Variants in POLK observed in about 807,000 individuals in gnomAD.
POLK encodes the protein polymerase (DNA directed) kappa.
In POLK, 76 loss-of-function variants were observed where a neutral mutation model predicts 94.0. That is an observed-to-expected ratio of 0.81 (90% CI 0.67 to 0.98). The LOEUF is 0.98. POLK is among the 50% of genes least tolerant of loss of function. POLK has a pLI of 0.00. For synonymous variants in POLK, 349 were observed against 325.4 expected (o/e 1.07, Z -0.78); for missense variants, 954 against 1,010.1 (o/e 0.94, Z 0.75).
chr5:75,604,347 C>T (rs1359551168), downstream of POLK, among the ~76,000 whole-genome samples: 3 of 152,020 alleles, frequency 2.0e-5, no homozygotes, highest in Non-Finnish European at 4.4e-5. Flanking sequence ...GGAAATATTT[C>T]ATTTAAAAAA....
intron 3 of POLK, among the ~76,000 whole-genome samples, chr5:75,556,652 C>T (rs953856365): frequency 7.3e-5 from 11 of 151,442 alleles, no homozygotes; most frequent in African/African-American, 2.2e-4. Context: ...TTGCATTTTA[C>T]AGTTAGGTCT....
chr5:75,543,866 C>G (rs920269060), intron 1 of POLK, among the ~76,000 whole-genome samples: 1 of 152,170 alleles, frequency 6.6e-6, no homozygotes, highest in Non-Finnish European at 1.5e-5. Flanking sequence ...CAGGTTCTTG[C>G]TCTCTTGCCC....
chr5:75,584,886 C>A (rs746435774), exon 9 of POLK: 3 of 1,606,716 alleles, frequency 1.9e-6, no homozygotes, highest in Non-Finnish European at 2.6e-6. Flanking sequence ...GCATTATTTC[C>A]TTCATATCTC....
In POLK at chr5:75,559,517, TGTTTTG is replaced by T. The variant is rs1561371308; in HGVS notation, c.255+6927_255+6932del. Among the ~76,000 whole-genome samples, 41 of 141,262 alleles carry T rather than the reference TGTTTTG, an allele frequency of 2.9e-4. 2 individuals carry two copies. Among genetic ancestry groups the T allele is most frequent in the African/African-American group, 5.4e-4 (20 of 37,304 alleles). 92.7% of individuals were successfully genotyped at this position (141,262 alleles called of 152,430 possible). A position where few individuals can be genotyped will look rare whatever the true frequency, so the allele number is the denominator to read the frequency against. ...TGATTTGGGGTTTGTTTTTTTGTTT[TGTTTTG>T]TTTTTTTTTTTTTTTTTTTTTTTTT... is the stretch of plus-strand genomic sequence containing the variant. On this transcript the variant is annotated intron_variant, in intron 3 of 14. Transcript: ENST00000241436.
chr5:75,538,654 CA>C (rs1460322685), intron 1 of POLK: 30 of 152,146 alleles, frequency 2.0e-4, no homozygotes, highest in African/African-American at 6.5e-4. Flanking sequence ...AAAACTGTAA[CA>C]TTCATCTCAT....
At chr5:75,588,688 A>G (rs1369215198) in intron 10 of POLK, among the ~76,000 whole-genome samples, 1 of 152,230 alleles carries the variant, frequency 6.6e-6, no homozygotes, top group East Asian at 1.9e-4. Flanking sequence ...CAGCGGTTCT[A>G]AAGTTAATGT....
At position 75,519,223 on chromosome 5, in the gene POLK, A is replaced by T. The variant is rs150838421; in HGVS notation, c.-14+7309A>T. Among the ~76,000 whole-genome samples the T allele has an allele frequency of 3.3e-5, 5 of 152,290 alleles. No homozygotes were observed. In the East Asian group the frequency reaches 9.6e-4, roughly 29 times the overall value. On this transcript the variant is annotated intron_variant, in intron 1 of 14. Coordinates refer to ENST00000241436, the Ensembl canonical transcript of POLK. ...CAGGTTCCTCTTGTTAATGATTTCAAGTTTTATTCCATTGTGGTTACAAAA... is the reference window on the plus strand; with the variant it reads ...CAGGTTCCTCTTGTTAATGATTTCATGTTTTATTCCATTGTGGTTACAAAA...
chr5:75,583,698 C>T (rs1279604251), intron 8 of POLK, among the ~76,000 whole-genome samples: 3 of 152,056 alleles, frequency 2.0e-5, no homozygotes, highest in Non-Finnish European at 4.4e-5. Context: ...TTCTAACAGT[C>T]CTTTCATCTG....
chr5:75,596,678 C>G lies in POLK; in HGVS notation c.1985C>G (p.Ser662Ter). ...GAAAACTTTAAAATGTTCTCGTGTTCACATGTTTCTGCTACCAAAGTTAAC... is the reference window on the plus strand; with the variant it reads ...GAAAACTTTAAAATGTTCTCGTGTTGACATGTTTCTGCTACCAAAGTTAAC... Residue 662 changes from serine to a stop codon, truncating the protein, a stop_gained, in exon 13 of 15, where the codon TCA becomes TGA. Transcript: ENST00000241436. LOFTEE classifies it high-confidence loss of function. The G allele has an allele frequency of 6.2e-7, 1 of 1,613,852 alleles. No individual in the cohort carries two copies. Among genetic ancestry groups the G allele is most frequent in the East Asian group, 2.2e-5 (1 of 44,870 alleles).
the POLK span, chr5:75,608,736 C>G: frequency 2.0e-5 from 3 of 152,062 alleles, no homozygotes; most frequent in East Asian, 3.9e-4. Flanking sequence ...TTTAAAAATT[C>G]GGAAGTGGAG....
At chr5:75,551,140 GA>G (rs1561362429) in intron 2 of POLK, among the ~76,000 whole-genome samples, 2 of 152,130 alleles carry the variant, frequency 1.3e-5, no homozygotes, top group African/African-American at 4.8e-5. Context: ...ACTTTTAGAA[GA>G]AAATTTGAGA....
chr5:75,580,449 A>G (rs1038476305), intron 6 of POLK: 1 of 158,264 alleles, frequency 6.3e-6, no homozygotes, highest in African/African-American at 2.4e-5. Flanking sequence ...AAATATAAAT[A>G]TAAAGAGGCA....
intron 6 of POLK, among the ~76,000 whole-genome samples, chr5:75,579,724 C>T (rs570371206): frequency 4.6e-5 from 7 of 152,036 alleles, no homozygotes; most frequent in African/African-American, 7.2e-5. Context: ...AACTGAAGCA[C>T]ATAAATATCA....
chr5:75,565,171 C>T (rs1400564018), intron 3 of POLK, among the ~76,000 whole-genome samples: 1 of 152,096 alleles, frequency 6.6e-6, no homozygotes, highest in Non-Finnish European at 1.5e-5. Context: ...TTGATCAATT[C>T]AGCTATTGAT....
chr5:75,538,464 C>T (rs951929278), intron 1 of POLK: 4 of 152,042 alleles, frequency 2.6e-5, no homozygotes, highest in Non-Finnish European at 5.9e-5. Context: ...TTAACTCATG[C>T]TTTCTTTCAT....
intron 3 of POLK, among the ~76,000 whole-genome samples, chr5:75,556,252 C>G (rs973873148): frequency 2.0e-5 from 3 of 152,144 alleles, no homozygotes; most frequent in African/African-American, 7.2e-5. Context: ...ATTTGCATTT[C>G]CCTGATGACA....
chr5:75,544,513 G>A (rs1769911459), intron 1 of POLK, among the ~76,000 whole-genome samples: 1 of 152,092 alleles, frequency 6.6e-6, no homozygotes, highest in African/African-American at 2.4e-5. Context: ...ATGGTGGTGT[G>A]CACCTGTAGT....
At chr5:75,543,962 T>C (rs1769880841) in intron 1 of POLK, among the ~76,000 whole-genome samples, 1 of 152,136 alleles carries the variant, frequency 6.6e-6, no homozygotes, top group Admixed American at 6.5e-5. Flanking sequence ...GACTTCCAAG[T>C]AGCTTGGACT....
downstream of POLK, among the ~76,000 whole-genome samples, chr5:75,605,726 G>C (rs1349836776): frequency 6.6e-6 from 1 of 152,098 alleles, no homozygotes; most frequent in Non-Finnish European, 1.5e-5. Context: ...TAATACCTAA[G>C]ATAGGGAGTC....
Sources: gnomAD v4.1 joint callset for allele counts (sites outside exome capture counted in the v4.1 genomes callset) on GRCh38, gnomAD v4.1.1 for gene constraint, MANE v1.5 for transcripts, NCBI Gene and HGNC (gene_info 2026-07-23, HGNC 2026-07-21) for gene names.